HDX: variants seen among roughly 807,000 people sequenced by gnomAD.
HDX encodes chromosome X open reading frame 43.
Under a neutral mutation model 45.2 loss-of-function variants are expected in HDX, and 19 were observed. The ratio of observed to expected loss-of-function variants is 0.42; its 90% CI spans 0.29 to 0.62. HDX has a LOEUF of 0.62. HDX is among the 20% of genes least tolerant of loss of function. HDX has a pLI of 0.20. For missense variants in HDX, 532 were observed against 493.9 expected, an observed-to-expected ratio of 1.08 and a Z score of -0.73; for synonymous variants, 188 against 172.8, an observed-to-expected ratio of 1.09 and a Z score of -0.69.
intron 4 of HDX, among the ~76,000 whole-genome samples, chrX:84,447,697 A>G (rs1387013004): frequency 9.0e-6 from 1 of 111,180 alleles, no homozygotes; most frequent in Non-Finnish European, 1.9e-5. Context: ...GCATCTCCGA[A>G]TCCCTGAAGC....
chrX:84,327,946 C>T (rs1028505741), intron 9 of HDX, among the ~76,000 whole-genome samples: 1 of 110,554 alleles, frequency 9.0e-6, no homozygotes, highest in Admixed American at 9.7e-5. Flanking sequence ...ACCTCAGTAG[C>T]TAGACTACAG....
intron 2 of HDX, among the ~76,000 whole-genome samples, chrX:84,483,849 A>G (rs2040737081): frequency 9.0e-6 from 1 of 111,539 alleles, no homozygotes; most frequent in South Asian, 3.8e-4. Context: ...ACCCTAAATC[A>G]TATCTCTCAA....
intron 5 of HDX, among the ~76,000 whole-genome samples, chrX:84,411,619 G>C (rs1347358024): frequency 9.0e-6 from 1 of 111,538 alleles, no homozygotes; most frequent in Non-Finnish European, 1.9e-5. Flanking sequence ...GCCATGTGCA[G>C]ATGAGGAGAA....
chrX:84,378,590 A>G (rs934469232), intron 5 of HDX, among the ~76,000 whole-genome samples: 8 of 111,616 alleles, frequency 7.2e-5, no homozygotes, highest in Non-Finnish European at 1.5e-4. Flanking sequence ...GGTTAAAATA[A>G]TGGGTTACAA....
intron 5 of HDX, among the ~76,000 whole-genome samples, chrX:84,418,900 G>A (rs1179245111): frequency 5.4e-5 from 6 of 111,091 alleles, no homozygotes; most frequent in African/African-American, 1.3e-4. Context: ...AAGGAGAGAA[G>A]AGGGAAGAGA....
intron 5 of HDX, among the ~76,000 whole-genome samples, chrX:84,363,044 TG>T (rs2037660839): frequency 1.8e-5 from 2 of 111,865 alleles, no homozygotes; most frequent in East Asian, 5.6e-4. Flanking sequence ...ATTTTGTGTG[TG>T]TGTGCGAATA....
chrX:84,454,039 T>A (rs745589674), intron 4 of HDX, among the ~76,000 whole-genome samples: 1 of 111,642 alleles, frequency 9.0e-6, no homozygotes, highest in Non-Finnish European at 1.9e-5. Flanking sequence ...CTGACTGACG[T>A]GCCCTTTGAA....
chrX:84,324,917 T>C (rs1347871561), intron 10 of HDX, among the ~76,000 whole-genome samples: 1 of 111,195 alleles, frequency 9.0e-6, no homozygotes, highest in Non-Finnish European at 1.9e-5. Flanking sequence ...ACCTCCCCTA[T>C]TCATTTAAAA....
intron 2 of HDX, among the ~76,000 whole-genome samples, chrX:84,480,180 A>G (rs931783829): frequency 3.6e-5 from 4 of 111,693 alleles, no homozygotes; most frequent in East Asian, 5.6e-4. Flanking sequence ...TTAACATACA[A>G]TTGATCTTGG....
intron 5 of HDX, among the ~76,000 whole-genome samples, chrX:84,426,788 G>C (rs1230095163): frequency 1.8e-5 from 2 of 110,739 alleles, no homozygotes; most frequent in Non-Finnish European, 3.8e-5. Flanking sequence ...TCACAGAGTA[G>C]ATTTCAGTTG....
Position 84,320,432 on chromosome X carries a change from T to C in HDX, c.*1457A>G, listed in dbSNP as rs1161346140. On this transcript the variant is annotated 3_prime_UTR_variant, in exon 11 of 11. Transcript: ENST00000373177. Reference sequence around the variant, plus strand: ...ATGGGACACTTCAAGGGTAAAGACATTTATGACTGCCTTTCTGTGTTCATA... The same window carrying C: ...ATGGGACACTTCAAGGGTAAAGACACTTATGACTGCCTTTCTGTGTTCATA... 1 of 110,830 alleles carries C rather than the reference T, an allele frequency of 9.0e-6. No homozygotes were observed. The allele number at this position is 110,830 out of a possible 1,213,427, so 9.1% of individuals were successfully genotyped here. A position where few individuals can be genotyped will look rare whatever the true frequency, so the allele number is the denominator to read the frequency against.
At chrX:84,336,923 C>A in intron 7 of HDX, 43 bp from the exon 8 acceptor site, 1 of 870,260 alleles carries the variant, frequency 1.1e-6, no homozygotes, top group Non-Finnish European at 1.6e-6. Context: ...TTTCGCAAAA[C>A]TTTCTTGAGA....
chrX:84,437,007 G>A (rs1761243378), intron 5 of HDX, among the ~76,000 whole-genome samples: 1 of 110,687 alleles, frequency 9.0e-6, no homozygotes, highest in Admixed American at 9.7e-5. Context: ...ATTGCTCTAT[G>A]TGGGTCCTCC....
At chrX:84,415,819 C>T (rs1375399043) in intron 5 of HDX, among the ~76,000 whole-genome samples, 1 of 111,864 alleles carries the variant, frequency 8.9e-6, no homozygotes, top group Non-Finnish European at 1.9e-5. Context: ...ACAAAGATAA[C>T]AGTTTAGCAT....
At chrX:84,357,211 A>C (rs758096998) in intron 6 of HDX, among the ~76,000 whole-genome samples, 1 of 112,083 alleles carries the variant, frequency 8.9e-6, no homozygotes, top group Non-Finnish European at 1.9e-5. Context: ...CCAGGTGCAT[A>C]AAATAACCAA....
At chrX:84,376,365 A>G (rs762437566) in intron 5 of HDX, among the ~76,000 whole-genome samples, 1 of 111,637 alleles carries the variant, frequency 9.0e-6, no homozygotes, top group Admixed American at 9.5e-5. Flanking sequence ...AGGAAAAAAT[A>G]AAGGGAAATT....
intron 4 of HDX, among the ~76,000 whole-genome samples, chrX:84,453,743 C>T (rs777886535): frequency 1.8e-5 from 2 of 111,792 alleles, no homozygotes; most frequent in East Asian, 5.7e-4. Context: ...ACAGCCAGGG[C>T]AGCCAAGGGA....
intron 5 of HDX, among the ~76,000 whole-genome samples, chrX:84,428,982 T>G (rs2039444653): frequency 1.8e-5 from 2 of 110,687 alleles, no homozygotes; most frequent in South Asian, 3.7e-4. Context: ...CTGTTTCCAC[T>G]GAACTGAATT....
intron 9 of HDX, among the ~76,000 whole-genome samples, chrX:84,331,489 C>G (rs1213609321): frequency 9.0e-6 from 1 of 111,658 alleles, no homozygotes; most frequent in East Asian, 2.8e-4. Context: ...TCAGCAACTA[C>G]TGTAACTATA....
Sources: gnomAD v4.1 joint callset for allele counts (sites outside exome capture counted in the v4.1 genomes callset) on GRCh38, gnomAD v4.1.1 for gene constraint, MANE v1.5 for transcripts, NCBI Gene and HGNC (gene_info 2026-07-23, HGNC 2026-07-21) for gene names.